PTPRN2: variants seen among roughly 807,000 people sequenced by gnomAD.
PTPRN2 encodes receptor-type tyrosine-protein phosphatase N2.
In PTPRN2, 74 loss-of-function variants were observed where a neutral mutation model predicts 118.8. That is an observed-to-expected ratio of 0.62 (90% CI 0.52 to 0.76). PTPRN2 has a LOEUF of 0.76. Among genes scored for constraint, PTPRN2 ranks in the 30% least tolerant of loss-of-function variants. The probability of loss-of-function intolerance (pLI) is 0.00; values close to 1 mark genes in which losing one functional copy is unlikely to be tolerated. For missense variants in PTPRN2, 1,481 were observed against 1,394.4 expected (o/e 1.06, Z -0.99); for synonymous variants, 641 against 608.0 (o/e 1.05, Z -0.80).
chr7:158,050,978 C>T (rs1809284698), intron 11 of PTPRN2, among the ~76,000 whole-genome samples: 1 of 152,206 alleles, frequency 6.6e-6, no homozygotes, highest in Non-Finnish European at 1.5e-5. Context: ...GGAAGGTCAC[C>T]CAGGGGCACG....
rs796518692 is a variant in PTPRN2, at chr7:158,441,591, GGTGATA to G, written c.163+48138_163+48143del. ...TGATGGTGATGGCAGTGGTGGTGGT[GGTGATA>G]GTGATGGTGATGGCAGTGGTGGTGG... On this transcript the variant is annotated intron_variant, in intron 2 of 22. Transcript: ENST00000389418. 7.0e-3 allele frequency among the ~76,000 whole-genome samples: 1,030 copies of G among 146,848 alleles called. 6 individuals are homozygous for G. Among genetic ancestry groups the G allele is most frequent in the Non-Finnish European group, 0.012 (786 of 66,930 alleles).
rs1339448323 is a variant in PTPRN2 at position 157,903,293 on chromosome 7, G to A, written c.1724-4556C>T. On this transcript the variant is annotated intron_variant, in intron 11 of 22. Transcript: ENST00000389418. The surrounding 1 kb of genome is among the most constrained non-coding windows in gnomAD (Gnocchi z 4.2). ...GAGGGAATGTGAGAGGGAGGTGGGA[G>A]AAAAGGGCTGAAACTCCCTCTGGGG... 1.3e-5 allele frequency among the ~76,000 whole-genome samples: 2 copies of A among 152,072 alleles called. No homozygotes were observed. Among genetic ancestry groups the A allele is most frequent in the Non-Finnish European group, 2.9e-5 (2 of 68,022 alleles).
intron 6 of PTPRN2, among the ~76,000 whole-genome samples, chr7:158,139,999 C>A (rs947074745): frequency 7.6e-6 from 1 of 131,088 alleles, no homozygotes; most frequent in African/African-American, 3.2e-5. Context: ...AAGAGAAACA[C>A]CACCACACAG....
intron 2 of PTPRN2, among the ~76,000 whole-genome samples, chr7:158,420,323 TC>T (rs1207305847): frequency 1.3e-5 from 2 of 152,156 alleles, no homozygotes; most frequent in Non-Finnish European, 2.9e-5. Context: ...GCCCTCTGAC[TC>T]TTGCTGACCA....
intron 5 of PTPRN2, among the ~76,000 whole-genome samples, chr7:158,170,769 G>T (rs1245967926): frequency 6.6e-6 from 1 of 152,088 alleles, no homozygotes; most frequent in African/African-American, 2.4e-5. Context: ...ACGGTTTGAG[G>T]TCCCCAAGGA....
intron 10 of PTPRN2, among the ~76,000 whole-genome samples, chr7:158,087,515 G>A (rs1447900645): frequency 6.6e-6 from 1 of 152,214 alleles, no homozygotes; most frequent in African/African-American, 2.4e-5. Context: ...CGTGAAAGGT[G>A]ACTCCTATTT....
At chr7:158,147,682 C>A (rs1585621748) in intron 6 of PTPRN2, among the ~76,000 whole-genome samples, 1 of 142,984 alleles carries the variant, frequency 7.0e-6, no homozygotes, top group Non-Finnish European at 1.5e-5. Context: ...CTCACTGACA[C>A]CCCATCTCAC....
chr7:158,551,600 C>T (rs557486665), intron 1 of PTPRN2, among the ~76,000 whole-genome samples: 4 of 119,840 alleles, frequency 3.3e-5, no homozygotes, highest in Non-Finnish European at 7.0e-5. Flanking sequence ...CTAATGCATG[C>T]ATTTGGGGGG....
chr7:157,982,793 C>T (rs1013240574), intron 11 of PTPRN2, among the ~76,000 whole-genome samples: 85 of 71,402 alleles, frequency 1.2e-3, no homozygotes, highest in African/African-American at 3.2e-3. Flanking sequence ...GTCACAGAGA[C>T]GAGGAGGGGA....
At chr7:158,019,821 CCACA>C (rs1228723282) in intron 11 of PTPRN2, among the ~76,000 whole-genome samples, 4 of 152,230 alleles carry the variant, frequency 2.6e-5, no homozygotes, top group Non-Finnish European at 5.9e-5. Flanking sequence ...GGTCTTGAGG[CCACA>C]GCTCGGCCTT....
intron 11 of PTPRN2, among the ~76,000 whole-genome samples, chr7:158,012,041 T>C (rs1806083588): frequency 6.6e-6 from 1 of 152,146 alleles, no homozygotes; most frequent in Admixed American, 6.5e-5. Flanking sequence ...CTTTTCTGAA[T>C]GTGGATGAAG....
chr7:158,130,801 A>G lies in PTPRN2; in HGVS notation c.1556+2876T>C, dbSNP rs1278639871. Among the ~76,000 whole-genome samples the G allele has an allele frequency of 5.3e-5, 8 of 150,008 alleles. No homozygotes were observed. The East Asian group carries it at 1.4e-3, about 26-fold the overall frequency. On this transcript the variant is annotated intron_variant, in intron 9 of 22. Transcript: ENST00000389418. ...TGCACATATGCACAAACCAATACTCATCTACCCAACACACACACATACACA... is the reference window on the plus strand; with the variant it reads ...TGCACATATGCACAAACCAATACTCGTCTACCCAACACACACACATACACA...
In PTPRN2 at chr7:158,546,759, C is replaced by T. The variant is rs902205266; in HGVS notation, c.112+40799G>A. ...GGAGGCCCGGTCACCCCACGGCCAG[C>T]GCCTGCCAAGTTCTTGTGAGTTGAG... On this transcript the variant is annotated intron_variant, in intron 1 of 22. Transcript: ENST00000389418. The surrounding 1 kb of genome is among the most constrained non-coding windows in gnomAD (Gnocchi z 5.0). 1.3e-5 allele frequency among the ~76,000 whole-genome samples: 2 copies of T among 152,242 alleles called. No homozygotes were observed. The highest frequency in any genetic ancestry group is 1.9e-4 in the East Asian group (1 of 5,198).
intron 2 of PTPRN2, among the ~76,000 whole-genome samples, chr7:158,358,494 C>A (rs372680849): frequency 8.5e-5 from 13 of 152,302 alleles, no homozygotes; most frequent in African/African-American, 2.4e-4. Context: ...CAAAGAAATA[C>A]GTGTATGTAC....
At chr7:158,466,820 C>G (rs537137842) in intron 2 of PTPRN2, among the ~76,000 whole-genome samples, 43 of 152,302 alleles carry the variant, frequency 2.8e-4, no homozygotes, top group Admixed American at 3.9e-4. Context: ...GCGGGTGGAT[C>G]ACTTGAGGTC....
Position 157,944,881 on chromosome 7 carries a change from C to T in PTPRN2, c.1724-46144G>A, listed in dbSNP as rs534961932. Among the ~76,000 whole-genome samples, 3 of 152,254 alleles carry T rather than the reference C, an allele frequency of 2.0e-5. 1 individual carries two copies. Among genetic ancestry groups the T allele is most frequent in the African/African-American group, 7.2e-5 (3 of 41,518 alleles). ...TGTCTACAACACAGACTACACAGTCCACAGTCCACAACTCCTGAATCCTGC... is the reference window on the plus strand; with the variant it reads ...TGTCTACAACACAGACTACACAGTCTACAGTCCACAACTCCTGAATCCTGC... On this transcript the variant is annotated intron_variant, in intron 11 of 22. Coordinates refer to ENST00000389418, the MANE Select transcript of PTPRN2 (RefSeq NM_002847.5). This position sits in a 1 kb window ranked among gnomAD's most constrained non-coding sequence, Gnocchi z 4.3.
At chr7:158,179,521 G>C (rs149228534) in intron 5 of PTPRN2, among the ~76,000 whole-genome samples, 1 of 152,080 alleles carries the variant, frequency 6.6e-6, no homozygotes, top group African/African-American at 2.4e-5. Flanking sequence ...TGTTTTAGTT[G>C]CATTTGCTTT....
chr7:157,546,833 C>A (rs941984282), intron 22 of PTPRN2, among the ~76,000 whole-genome samples: 2 of 152,202 alleles, frequency 1.3e-5, no homozygotes, highest in Admixed American at 1.3e-4. Context: ...GTCCTGGGAC[C>A]ACCGTTGTGC....
chr7:158,285,959 A>C (rs1799742130), intron 3 of PTPRN2, among the ~76,000 whole-genome samples: 1 of 152,136 alleles, frequency 6.6e-6, no homozygotes, highest in South Asian at 2.1e-4. Context: ...CAGCAAGCTA[A>C]ACACAACCAA....
Sources: gnomAD v4.1 joint callset for allele counts (sites outside exome capture counted in the v4.1 genomes callset) on GRCh38, gnomAD v4.1.1 for gene constraint, Gnocchi (gnomAD v3.1) non-coding constraint, MANE v1.5 for transcripts, NCBI Gene and HGNC (gene_info 2026-07-23, HGNC 2026-07-21) for gene names.